Variants in TTYH1 observed in about 807,000 individuals in gnomAD.
TTYH1 encodes protein tweety homolog 1.
TTYH1 carries 33 observed loss-of-function variants against 61.2 expected under a neutral mutation model. The ratio of observed to expected loss-of-function variants is 0.54; its 90% CI spans 0.41 to 0.72. TTYH1 has a LOEUF of 0.72. TTYH1 is among the 30% of genes least tolerant of loss of function. The pLI is 0.00. For synonymous variants in TTYH1, 308 were observed against 266.4 expected (o/e 1.16, Z -1.52); for missense variants, 538 against 575.8 (o/e 0.93, Z 0.67).
rs986027897 is a variant in TTYH1, at chr19:54,421,821, C to A, written c.418-369C>A. Among the ~76,000 whole-genome samples, 3 of 152,118 alleles carry A rather than the reference C, an allele frequency of 2.0e-5. No individual in the cohort carries two copies. Among genetic ancestry groups the A allele is most frequent in the Non-Finnish European group, 2.9e-5 (2 of 68,014 alleles). ...GGCTGAGGCCTGGCCCCACTTCATG[C>A]CTTAGATTCCATGTCCAGCTGCAGA... On this transcript the variant is annotated intron_variant, in intron 3 of 13. Coordinates refer to ENST00000376530, the MANE Select transcript of TTYH1 (RefSeq NM_020659.4). The surrounding 1 kb of genome is among the most constrained non-coding windows in gnomAD (Gnocchi z 4.8).
At position 54,419,048 on chromosome 19, in the gene TTYH1, C is replaced by A. The variant is rs1272025548; in HGVS notation, c.127-80C>A. The A allele has an allele frequency of 1.5e-5, 22 of 1,433,520 alleles. No homozygotes were observed. Among genetic ancestry groups the A allele is most frequent in the African/African-American group, 7.1e-5 (5 of 70,410 alleles). The allele number at this position is 1,433,520 out of a possible 1,614,324, so 88.8% of individuals were successfully genotyped here. Reference sequence around the variant, plus strand: ...TCACTCTGACATCCCAGACCCCGACCCCCCAGCCACGCAGGAAGGGGGATC... The same window carrying A: ...TCACTCTGACATCCCAGACCCCGACACCCCAGCCACGCAGGAAGGGGGATC... On this transcript the variant is annotated intron_variant, in intron 1 of 13. Transcript: ENST00000376530. This position sits in a 1 kb window ranked among gnomAD's most constrained non-coding sequence, Gnocchi z 6.1.
chr19:54,435,524 A>T lies in TTYH1; in HGVS notation c.1126-18A>T. Reference sequence around the variant, plus strand: ...GGAGGGGGTGGGGACGCATGGCCTGATGACGCCCTCCCCTCAGGACTATGG... The same window carrying T: ...GGAGGGGGTGGGGACGCATGGCCTGTTGACGCCCTCCCCTCAGGACTATGG... On this transcript the variant is annotated intron_variant, in intron 10 of 13. Transcript: ENST00000376530. 1 of 1,578,228 alleles carries T rather than the reference A, an allele frequency of 6.3e-7. No individual in the cohort carries two copies. Among genetic ancestry groups the T allele is most frequent in the Non-Finnish European group, 8.6e-7 (1 of 1,165,646 alleles).
At chr19:54,418,103 C>G (rs953162425) in intron 1 of TTYH1, among the ~76,000 whole-genome samples, 2 of 152,068 alleles carry the variant, frequency 1.3e-5, no homozygotes, top group Non-Finnish European at 2.9e-5. Flanking sequence ...CTTGGCAAGT[C>G]CAGAGGTGTG....
At chr19:54,427,699 G>A (rs1471151526) in intron 5 of TTYH1, among the ~76,000 whole-genome samples, 1 of 152,046 alleles carries the variant, frequency 6.6e-6, no homozygotes, top group Non-Finnish European at 1.5e-5. Flanking sequence ...CCCCATGAAG[G>A]AGCTACCATA....
chr19:54,415,728 C>T lies in TTYH1; in HGVS notation c.126+50C>T. ...GGGCCAGGGCTGGGGGCCGGAGCTC[C>T]TGGGTCCCGAGGGAGAAGGGGGCTG... On this transcript the variant is annotated intron_variant, in intron 1 of 13. Coordinates refer to ENST00000376530, the MANE Select transcript of TTYH1 (RefSeq NM_020659.4). The surrounding 1 kb of genome is among the most constrained non-coding windows in gnomAD (Gnocchi z 5.2). 6.8e-7 allele frequency: 1 copy of T among 1,466,688 alleles called. No homozygotes were observed. Among genetic ancestry groups the T allele is most frequent in the Admixed American group, 2.3e-5 (1 of 42,968 alleles). 90.9% of individuals were successfully genotyped at this position (1,466,688 alleles called of 1,614,324 possible).
rs1400767853 is a variant in TTYH1, at chr19:54,420,920, G to A, written c.306-357G>A. 2 of 357,298 alleles carry A rather than the reference G, an allele frequency of 5.6e-6. No homozygotes were observed. Among genetic ancestry groups the A allele is most frequent in the Non-Finnish European group, 1.1e-5 (2 of 177,146 alleles). 22.1% of individuals were successfully genotyped at this position (357,298 alleles called of 1,614,324 possible). A position where few individuals can be genotyped will look rare whatever the true frequency, so the allele number is the denominator to read the frequency against. ...GCCTGGCAAAGGATGCGGGGGAAGGGTGTGGGGCAGGCAGTCCTAGGGAGG... is the reference window on the plus strand; with the variant it reads ...GCCTGGCAAAGGATGCGGGGGAAGGATGTGGGGCAGGCAGTCCTAGGGAGG... On this transcript the variant is annotated intron_variant, in intron 2 of 13. Transcript: ENST00000376530. The surrounding 1 kb of genome is among the most constrained non-coding windows in gnomAD (Gnocchi z 4.8).
At position 54,421,267 on chromosome 19, in the gene TTYH1, C is replaced by A; in HGVS notation, c.306-10C>A. 3 of 1,596,000 alleles carry A rather than the reference C, an allele frequency of 1.9e-6. No individual in the cohort carries two copies. The highest frequency in any genetic ancestry group is 2.6e-6 in the Non-Finnish European group (3 of 1,163,738). On this transcript the variant is annotated splice_polypyrimidine_tract_variant and intron_variant, in intron 2 of 13. Transcript: ENST00000376530. This position sits in a 1 kb window ranked among gnomAD's most constrained non-coding sequence, Gnocchi z 4.8. ...CCCGCTGAGATTCCTCTCCCTCCTC[C>A]TCCGCTCAGCACTGGCATTGGCATC...
At position 54,426,668 on chromosome 19, in the gene TTYH1, C is replaced by T; in HGVS notation, c.639-5C>T. 1 of 1,613,326 alleles carries T rather than the reference C, an allele frequency of 6.2e-7. No individual in the cohort carries two copies. Among genetic ancestry groups the T allele is most frequent in the Non-Finnish European group, 8.5e-7 (1 of 1,179,622 alleles). On this transcript the variant is annotated splice_region_variant and splice_polypyrimidine_tract_variant and intron_variant, in intron 4 of 13. Transcript: ENST00000376530. ...TGGTTTCAGCCCTACCCTCTCCCCTCCCAGGTGGCTGGCCTACGTCCTCCT... is the reference window on the plus strand; with the variant it reads ...TGGTTTCAGCCCTACCCTCTCCCCTTCCAGGTGGCTGGCCTACGTCCTCCT...
In TTYH1 at chr19:54,420,071, T is replaced by C. The variant is rs1285326732; in HGVS notation, c.305+765T>C. 6.6e-6 allele frequency among the ~76,000 whole-genome samples: 1 copy of C among 151,870 alleles called. No homozygotes were observed. Among genetic ancestry groups the C allele is most frequent in the African/African-American group, 2.4e-5 (1 of 41,338 alleles). On this transcript the variant is annotated intron_variant, in intron 2 of 13. Transcript: ENST00000376530. The surrounding 1 kb of genome is among the most constrained non-coding windows in gnomAD (Gnocchi z 4.8). ...CGTGGCTTAAGAGGCAGCACAGAGATTCAGACCCAGGTTAGTAGGACCCCC... is the reference window on the plus strand; with the variant it reads ...CGTGGCTTAAGAGGCAGCACAGAGACTCAGACCCAGGTTAGTAGGACCCCC...
Position 54,416,316 on chromosome 19 carries a change from A to G in TTYH1, c.126+638A>G. On this transcript the variant is annotated intron_variant, in intron 1 of 13. Transcript: ENST00000376530. The surrounding 1 kb of genome is among the most constrained non-coding windows in gnomAD (Gnocchi z 7.0). Reference sequence around the variant, plus strand: ...GGCCGAGATGAGGCTGGGTTTGGGGAGCCTCGGGATGACAGACCCGGGTCC... The same window carrying G: ...GGCCGAGATGAGGCTGGGTTTGGGGGGCCTCGGGATGACAGACCCGGGTCC... The G allele has an allele frequency of 8.3e-6, 2 of 242,288 alleles. No homozygotes were observed. The highest frequency in any genetic ancestry group is 8.5e-5 in the South Asian group (2 of 23,642). 15.0% of individuals were successfully genotyped at this position (242,288 alleles called of 1,614,324 possible).
chr19:54,426,672 G>C lies in TTYH1; in HGVS notation c.639-1G>C. 6.2e-7 allele frequency: 1 copy of C among 1,613,618 alleles called. No homozygotes were observed. Among genetic ancestry groups the C allele is most frequent in the Non-Finnish European group, 8.5e-7 (1 of 1,179,840 alleles). On this transcript the variant is annotated splice_acceptor_variant, in intron 4 of 13. Coordinates refer to ENST00000376530, the MANE Select transcript of TTYH1 (RefSeq NM_020659.4). LOFTEE classifies it high-confidence loss of function. The stretch of plus-strand genomic sequence containing the variant: ...TTCAGCCCTACCCTCTCCCCTCCCA[G>C]GTGGCTGGCCTACGTCCTCCTGCTG...
chr19:54,431,800 G>A (rs1027645258), intron 10 of TTYH1: 3 of 153,276 alleles, frequency 2.0e-5, no homozygotes, highest in African/African-American at 7.2e-5. Flanking sequence ...AGGCTGCACG[G>A]CCATAGGCAG....
Position 54,416,873 on chromosome 19 carries a change from G to C in TTYH1, c.126+1195G>C. On this transcript the variant is annotated intron_variant, in intron 1 of 13. Transcript: ENST00000376530. This position sits in a 1 kb window ranked among gnomAD's most constrained non-coding sequence, Gnocchi z 7.0. ...CCAGACTCACGCCCGCTCTGGCCCG[G>C]AGACCTCCCGAAGCCGCACGCGGGG... 7.7e-7 allele frequency: 1 copy of C among 1,291,172 alleles called. No individual in the cohort carries two copies. The highest frequency in any genetic ancestry group is 1.0e-6 in the Non-Finnish European group (1 of 987,834). 80.0% of individuals were successfully genotyped at this position (1,291,172 alleles called of 1,614,324 possible). A position where few individuals can be genotyped will look rare whatever the true frequency, so the allele number is the denominator to read the frequency against.
intron 4 of TTYH1, among the ~76,000 whole-genome samples, chr19:54,425,650 G>A (rs1436904919): frequency 6.6e-6 from 1 of 152,080 alleles, no homozygotes; most frequent in East Asian, 1.9e-4. Flanking sequence ...TCTCACTGTG[G>A]CTTGCATGCT....
chr19:54,434,809 T>C lies in TTYH1; in HGVS notation c.1126-733T>C, dbSNP rs540945778. ...TGCTGTTCCACGTGCTCTAGGCCAG[T>C]GATTCTGCCCCCAGGGACACCTGGC... On this transcript the variant is annotated intron_variant, in intron 10 of 13. Transcript: ENST00000376530. This position sits in a 1 kb window ranked among gnomAD's most constrained non-coding sequence, Gnocchi z 4.3. The C allele has an allele frequency of 1.3e-5, 2 of 152,426 alleles. No homozygotes were observed. Among genetic ancestry groups the C allele is most frequent in the South Asian group, 4.1e-4 (2 of 4,832 alleles). 9.4% of individuals were successfully genotyped at this position (152,426 alleles called of 1,614,324 possible). A position where few individuals can be genotyped will look rare whatever the true frequency, so the allele number is the denominator to read the frequency against.
intron 4 of TTYH1, 71 bp from the exon 5 acceptor site, chr19:54,426,602 G>A: frequency 8.3e-7 from 1 of 1,197,726 alleles, no homozygotes; most frequent in South Asian, 1.3e-5. Context: ...GAATGCTGGT[G>A]GAGGGTTGCT....
chr19:54,429,470 G>A lies in TTYH1; in HGVS notation c.807+91G>A. On this transcript the variant is annotated intron_variant, in intron 6 of 13. Transcript: ENST00000376530. This position sits in a 1 kb window ranked among gnomAD's most constrained non-coding sequence, Gnocchi z 5.1. ...TCTCGGGATGGCATGGCTTAGTAGA[G>A]AAAGGAATTGGGGGGCACGATCACA... 3 of 1,233,474 alleles carry A rather than the reference G, an allele frequency of 2.4e-6. No homozygotes were observed. The South Asian group carries it at 3.6e-5, about 15-fold the overall frequency. 76.4% of individuals were successfully genotyped at this position (1,233,474 alleles called of 1,614,324 possible).
rs1165659597 is a variant in TTYH1 at position 54,435,699 on chromosome 19, A to C, written c.1268+15A>C. 6.2e-7 allele frequency: 1 copy of C among 1,607,356 alleles called. No individual in the cohort carries two copies. The highest frequency in any genetic ancestry group is 1.7e-5 in the Admixed American group (1 of 59,768). ...TTCCCACCCAGGTCAGGAGCGGGGGAGGGTAGGGTCCTGGGGAGGGAAGAG... is the reference window on the plus strand; with the variant it reads ...TTCCCACCCAGGTCAGGAGCGGGGGCGGGTAGGGTCCTGGGGAGGGAAGAG... On this transcript the variant is annotated intron_variant, in intron 11 of 13. Coordinates refer to ENST00000376530, the MANE Select transcript of TTYH1 (RefSeq NM_020659.4).
intron 5 of TTYH1, among the ~76,000 whole-genome samples, chr19:54,427,834 G>A (rs927106480): frequency 5.3e-5 from 8 of 152,234 alleles, no homozygotes; most frequent in Non-Finnish European, 8.8e-5. Context: ...CTCGCTCTAC[G>A]CGCCCGACAC....
Sources: gnomAD v4.1 joint callset for allele counts (sites outside exome capture counted in the v4.1 genomes callset) on GRCh38, gnomAD v4.1.1 for gene constraint, Gnocchi (gnomAD v3.1) non-coding constraint, MANE v1.5 for transcripts, NCBI Gene and HGNC (gene_info 2026-07-23, HGNC 2026-07-21) for gene names.